FAM81A: variants seen among roughly 807,000 people sequenced by gnomAD.
FAM81A encodes the protein family with sequence similarity 81 member A.
In FAM81A, 19 loss-of-function variants were observed where a neutral mutation model predicts 46.7. The observed-to-expected ratio is 0.41, with a 90% CI of 0.28 to 0.60. The LOEUF (loss-of-function observed/expected upper bound fraction) is 0.60, where lower values mean the gene tolerates loss of function less well. Among genes scored for constraint, FAM81A ranks in the 20% least tolerant of loss-of-function variants. FAM81A has a pLI of 0.34. For missense variants in FAM81A, 377 were observed against 453.5 expected, an observed-to-expected ratio of 0.83 and a Z score of 1.53; for synonymous variants, 183 against 152.9, an observed-to-expected ratio of 1.20 and a Z score of -1.45.
intron 6 of FAM81A, among the ~76,000 whole-genome samples, chr15:59,513,220 AATTTTTCTTTTG>A (rs1318682090): frequency 6.6e-6 from 1 of 152,108 alleles, no homozygotes; most frequent in Non-Finnish European, 1.5e-5. Context: ...TTTTTCTTTC[AATTTTTCTTTTG>A]ATTTACATTA....
intron 2 of FAM81A, among the ~76,000 whole-genome samples, chr15:59,414,627 G>A (rs2081137596): frequency 6.6e-6 from 1 of 152,114 alleles, no homozygotes; most frequent in Non-Finnish European, 1.5e-5. Flanking sequence ...AACTCCTGAG[G>A]AGGGGACTGG....
At chr15:59,404,908 C>A (rs1338200545) in intron 2 of FAM81A, among the ~76,000 whole-genome samples, 1 of 152,222 alleles carries the variant, frequency 6.6e-6, no homozygotes, top group Admixed American at 6.5e-5. Context: ...TAACCATCAC[C>A]CTGAAATAAT....
At chr15:59,404,473 T>C (rs1369289612) in intron 2 of FAM81A, among the ~76,000 whole-genome samples, 2 of 152,190 alleles carry the variant, frequency 1.3e-5, no homozygotes, top group African/African-American at 4.8e-5. Flanking sequence ...TCTTTGTTTT[T>C]TTTTAGAGAC....
intron 2 of FAM81A, among the ~76,000 whole-genome samples, chr15:59,431,177 C>T (rs959263232): frequency 6.6e-6 from 1 of 152,084 alleles, no homozygotes; most frequent in Admixed American, 6.6e-5. Context: ...GGACATCACT[C>T]TTTCACTCTT....
intron 1 of FAM81A, chr15:59,401,554 C>A (rs2081070481): frequency 2.6e-6 from 2 of 766,510 alleles, no homozygotes; most frequent in East Asian, 2.4e-5. Flanking sequence ...CATTAGTAAC[C>A]ACCCTCTTCC....
At chr15:59,398,800 C>T (rs1204345773) in intron 1 of FAM81A, among the ~76,000 whole-genome samples, 6 of 144,834 alleles carry the variant, frequency 4.1e-5, no homozygotes, top group African/African-American at 1.5e-4. Context: ...GAAATGAATC[C>T]AGTCTCTTTC....
At chr15:59,448,637 A>G (rs1284097523) in intron 1 of FAM81A, among the ~76,000 whole-genome samples, 2 of 152,006 alleles carry the variant, frequency 1.3e-5, no homozygotes, top group African/African-American at 4.8e-5. Context: ...ACATAAATAC[A>G]TAAATATATT....
At chr15:59,490,507 A>T (rs1256322897) in intron 3 of FAM81A, among the ~76,000 whole-genome samples, 1 of 152,254 alleles carries the variant, frequency 6.6e-6, no homozygotes, top group African/African-American at 2.4e-5. Context: ...GCTCAACATC[A>T]TTGATCATCA....
intron 2 of FAM81A, among the ~76,000 whole-genome samples, chr15:59,459,504 C>A (rs1044157754): frequency 6.6e-6 from 1 of 152,128 alleles, no homozygotes; most frequent in Non-Finnish European, 1.5e-5. Context: ...CCTGACACTC[C>A]CTATTGCCTC....
chr15:59,481,508 A>G (rs1252331642), intron 3 of FAM81A, among the ~76,000 whole-genome samples: 7 of 152,076 alleles, frequency 4.6e-5, no homozygotes, highest in African/African-American at 1.7e-4. Context: ...AGTATTTTAT[A>G]TGCCTCTTAA....
intron 1 of FAM81A, among the ~76,000 whole-genome samples, chr15:59,447,826 T>C (rs1375773064): frequency 6.6e-6 from 1 of 152,060 alleles, no homozygotes; most frequent in African/African-American, 2.4e-5. Context: ...AAAGGTAGCC[T>C]CAAGACCATG....
chr15:59,480,096 CT>C lies in FAM81A; in HGVS notation c.295-12174del, dbSNP rs568455663. Among the ~76,000 whole-genome samples the C allele has an allele frequency of 3.3e-3, 503 of 152,210 alleles. 4 individuals are homozygous for C. The highest frequency in any genetic ancestry group is 0.013 in the South Asian group (64 of 4,824). On this transcript the variant is annotated intron_variant, in intron 3 of 8. Coordinates refer to ENST00000288228, the MANE Select transcript of FAM81A (RefSeq NM_152450.3). ...TTCTGGAGTGATTTTGGAGATAGAG[CT>C]GACAGGACTTCCTGCCTATTGGAGG...
chr15:59,518,732 A>G (rs2082293453), intron 8 of FAM81A, among the ~76,000 whole-genome samples: 1 of 152,016 alleles, frequency 6.6e-6, no homozygotes, highest in Admixed American at 6.6e-5. Context: ...TCAATTTTCA[A>G]CGTGCCATTA....
chr15:59,422,379 C>A (rs1282261755), intron 2 of FAM81A, among the ~76,000 whole-genome samples: 2 of 152,046 alleles, frequency 1.3e-5, no homozygotes, highest in East Asian at 1.9e-4. Flanking sequence ...CAGAGTGAGA[C>A]CTTGTCTCTA....
intron 2 of FAM81A, among the ~76,000 whole-genome samples, chr15:59,403,650 G>A (rs1279847681): frequency 3.9e-5 from 6 of 152,166 alleles, no homozygotes; most frequent in African/African-American, 1.4e-4. Context: ...TGGCTAGAAA[G>A]CCTTACCTAG....
intron 3 of FAM81A, among the ~76,000 whole-genome samples, chr15:59,491,830 A>G (rs1388430660): frequency 1.3e-5 from 2 of 152,086 alleles, no homozygotes; most frequent in Non-Finnish European, 2.9e-5. Flanking sequence ...GCCAGGTGTG[A>G]TGGCACATGC....
chr15:59,423,250 C>T (rs780970611), intron 2 of FAM81A, among the ~76,000 whole-genome samples: 2 of 152,152 alleles, frequency 1.3e-5, no homozygotes, highest in Admixed American at 6.5e-5. Flanking sequence ...AGGCGCCCGC[C>T]AACACGCCTG....
intron 4 of FAM81A, among the ~76,000 whole-genome samples, chr15:59,498,484 C>G (rs1480378166): frequency 1.3e-5 from 2 of 152,264 alleles, no homozygotes; most frequent in Non-Finnish European, 1.5e-5. Flanking sequence ...GATAGTTTTA[C>G]TTTTTACTTT....
At chr15:59,478,839 C>G (rs1325574239) in intron 3 of FAM81A, among the ~76,000 whole-genome samples, 2 of 152,194 alleles carry the variant, frequency 1.3e-5, no homozygotes, top group Non-Finnish European at 2.9e-5. Context: ...TCTGAGTCCT[C>G]TTTGAGGACC....
Sources: allele counts gnomAD v4.1 joint callset (sites outside exome capture counted in the v4.1 genomes callset), GRCh38; gene constraint gnomAD v4.1.1; transcripts MANE v1.5; gene names NCBI Gene and HGNC (gene_info 2026-07-23, HGNC 2026-07-21).